Variants in ZNF350 observed in about 807,000 individuals in gnomAD.
The protein encoded by ZNF350 is zinc finger protein 350, also known as KRAB zinc finger protein ZFQR.
ZNF350 carries 5 observed loss-of-function variants against 13.1 expected under a neutral mutation model. The ratio of observed to expected loss-of-function variants is 0.38; its 90% CI spans 0.20 to 0.80. The LOEUF (loss-of-function observed/expected upper bound fraction) is 0.80. Ranked by LOEUF, ZNF350 falls within the 30% of genes least tolerant of loss-of-function variation. The pLI is 0.43. For missense variants in ZNF350, 534 were observed against 644.2 expected, an observed-to-expected ratio of 0.83 and a Z score of 1.85; for synonymous variants, 199 against 224.2, an observed-to-expected ratio of 0.89 and a Z score of 1.00.
chr19:51,972,216 C>T (rs556047570), intron 2 of ZNF350, among the ~76,000 whole-genome samples: 21 of 150,020 alleles, frequency 1.4e-4, no homozygotes, highest in African/African-American at 3.9e-4. Context: ...AATCCCAGCA[C>T]TTTGGGAGGC....
At chr19:51,971,136 G>A (rs1032899874) in intron 2 of ZNF350, among the ~76,000 whole-genome samples, 2 of 152,192 alleles carry the variant, frequency 1.3e-5, no homozygotes, top group African/African-American at 4.8e-5. Flanking sequence ...GTGGGAAATT[G>A]AGTCATTGAA....
At chr19:51,983,249 C>T (rs1003553121) in intron 1 of ZNF350, among the ~76,000 whole-genome samples, 23 of 152,274 alleles carry the variant, frequency 1.5e-4, no homozygotes, top group South Asian at 4.1e-4. Flanking sequence ...CAATGCACTG[C>T]GGAAGGCCGC....
chr19:51,977,573 C>T (rs1219724431), intron 1 of ZNF350, among the ~76,000 whole-genome samples: 2 of 152,200 alleles, frequency 1.3e-5, no homozygotes, highest in Non-Finnish European at 1.5e-5. Context: ...GCTAAATGCG[C>T]CTGGGCCACA....
At chr19:51,977,240 AGTT>A (rs2085919345) in intron 1 of ZNF350, among the ~76,000 whole-genome samples, 1 of 152,278 alleles carries the variant, frequency 6.6e-6, no homozygotes, top group South Asian at 2.1e-4. Flanking sequence ...CTAGAGTTTA[AGTT>A]GTTGAAGGAA....
At position 51,968,422 on chromosome 19, in the gene ZNF350, C is replaced by A. The variant is rs752112499; in HGVS notation, c.238+156G>T. 6.1e-6 allele frequency: 4 copies of A among 653,012 alleles called. No individual in the cohort carries two copies. In the African/African-American group the frequency reaches 7.4e-5, roughly 12 times the overall value. The allele number at this position is 653,012 out of a possible 1,614,324, so 40.5% of individuals were successfully genotyped here. A position where few individuals can be genotyped will look rare whatever the true frequency, so the allele number is the denominator to read the frequency against. ...TTTGTTTTGTTTTGTTTTTTTTTAA[C>A]TCTAAATTCCTACAAAGAAAAACTG... On this transcript the variant is annotated intron_variant, in intron 4 of 4. Transcript: ENST00000243644.
At chr19:51,971,749 CT>C (rs1455665424) in intron 2 of ZNF350, among the ~76,000 whole-genome samples, 3 of 152,008 alleles carry the variant, frequency 2.0e-5, no homozygotes, top group African/African-American at 7.3e-5. Context: ...AAGGTACCCC[CT>C]GACCCCTTCC....
intron 1 of ZNF350, among the ~76,000 whole-genome samples, chr19:51,978,741 T>C (rs976456131): frequency 1.3e-5 from 2 of 151,774 alleles, no homozygotes; most frequent in Non-Finnish European, 2.9e-5. Context: ...AAAAAGGGGG[T>C]ATAGGAGGCC....
At chr19:51,983,423 A>C (rs2086099876) in intron 1 of ZNF350, among the ~76,000 whole-genome samples, 1 of 152,226 alleles carries the variant, frequency 6.6e-6, no homozygotes, top group Non-Finnish European at 1.5e-5. Flanking sequence ...AGACCTCTTT[A>C]CAGTTAAAAT....
chr19:51,968,948 A>C (rs1213839374), intron 3 of ZNF350, 57 bp downstream of exon 3: 23 of 1,613,684 alleles, frequency 1.4e-5, no homozygotes, highest in Non-Finnish European at 1.8e-5. Context: ...TAGGCATCTG[A>C]GAAAGGAAGG....
Position 51,981,516 on chromosome 19 carries a change from A to G in ZNF350, c.-172+5254T>C, listed in dbSNP as rs1480780329. The G allele has an allele frequency of 2.6e-5, 4 of 152,182 alleles. No individual in the cohort carries two copies. The East Asian group carries it at 7.7e-4, about 29-fold the overall frequency. The allele number at this position is 152,182 out of a possible 1,614,324, so 9.4% of individuals were successfully genotyped here. On this transcript the variant is annotated intron_variant, in intron 1 of 4. Coordinates refer to ENST00000243644, the MANE Select transcript of ZNF350 (RefSeq NM_021632.4). ...CAGCATCTTGGTCAGGCTGGCCTTCAACTCCGGATCTCATCACACACCCGC... is the reference window on the plus strand; with the variant it reads ...CAGCATCTTGGTCAGGCTGGCCTTCGACTCCGGATCTCATCACACACCCGC...
intron 4 of ZNF350, among the ~76,000 whole-genome samples, chr19:51,967,560 T>C (rs1490572243): frequency 6.6e-6 from 1 of 152,068 alleles, no homozygotes; most frequent in Admixed American, 6.5e-5. Context: ...ATCACAGAGA[T>C]CACTGAAATG....
intron 1 of ZNF350, among the ~76,000 whole-genome samples, chr19:51,979,381 G>A (rs1475722033): frequency 1.3e-5 from 2 of 152,134 alleles, no homozygotes; most frequent in African/African-American, 4.8e-5. Flanking sequence ...CGATCAGGGA[G>A]AGTGGGCTCC....
rs1210827086 is a variant in ZNF350 at position 51,965,739 on chromosome 19, T to C, written c.714A>G (p.Leu238=). Residue 238 remains leucine, a synonymous_variant, in exon 5 of 5, where the codon CTA becomes CTG. Transcript: ENST00000243644. ...HTGEKPHRCS[L]CEKAFSRKFM... Reference sequence around the variant, plus strand: ...ACTTTCTGGAGAAGGCTTTCTCACATAGACTACATCTGTGGGGTTTCTCTC... The same window carrying C: ...ACTTTCTGGAGAAGGCTTTCTCACACAGACTACATCTGTGGGGTTTCTCTC... The C allele has an allele frequency of 3.5e-5, 56 of 1,613,864 alleles. No individual in the cohort carries two copies. Among genetic ancestry groups the C allele is most frequent in the Non-Finnish European group, 4.7e-5 (55 of 1,179,884 alleles).
In ZNF350 at chr19:51,974,424, C is replaced by T. The variant is rs2085829677; in HGVS notation, c.-64G>A. 6.3e-7 allele frequency: 1 copy of T among 1,586,164 alleles called. No homozygotes were observed. Among genetic ancestry groups the T allele is most frequent in the Admixed American group, 1.7e-5 (1 of 58,014 alleles). On this transcript the variant is annotated 5_prime_UTR_variant, in exon 2 of 5. Coordinates refer to ENST00000243644, the MANE Select transcript of ZNF350 (RefSeq NM_021632.4). ...GTCTGTCTTTGTATCTTCTGGCCTT[C>T]TCTTCAGAAGTCTCAGTTTTCAATC...
intron 1 of ZNF350, among the ~76,000 whole-genome samples, chr19:51,983,413 A>C (rs914392761): frequency 1.3e-5 from 2 of 152,232 alleles, no homozygotes; most frequent in African/African-American, 4.8e-5. Flanking sequence ...TGAAAGAGGA[A>C]GACCTCTTTA....
At chr19:51,984,553 T>A (rs1166001261) in intron 1 of ZNF350, among the ~76,000 whole-genome samples, 1 of 152,182 alleles carries the variant, frequency 6.6e-6, no homozygotes, top group Non-Finnish European at 1.5e-5. Flanking sequence ...GCCTCCCCCA[T>A]ATGAGAGCAC....
intron 1 of ZNF350, among the ~76,000 whole-genome samples, chr19:51,978,940 T>A (rs73067001): frequency 0.045 from 6,907 of 152,200 alleles, 208 homozygotes; most frequent in Non-Finnish European, 0.058. Flanking sequence ...TTTACTGACC[T>A]GGGGAAGAGG....
Position 51,964,742 on chromosome 19 carries a change from T to C in ZNF350, c.*112A>G. On this transcript the variant is annotated 3_prime_UTR_variant, in exon 5 of 5. Transcript: ENST00000243644. The stretch of plus-strand genomic sequence containing the variant: ...ACAGCATACATTTTAATAGGATGAG[T>C]TTATCAGGCTATCTCAGCCTTATAC... 1 of 1,271,540 alleles carries C rather than the reference T, an allele frequency of 7.9e-7. No individual in the cohort carries two copies. The highest frequency in any genetic ancestry group is 1.1e-6 in the Non-Finnish European group (1 of 926,888). 78.8% of individuals were successfully genotyped at this position (1,271,540 alleles called of 1,614,324 possible).
In ZNF350 at chr19:51,974,501, G is replaced by T. The variant is rs1599943771; in HGVS notation, c.-141C>A. 1 of 1,032,342 alleles carries T rather than the reference G, an allele frequency of 9.7e-7. No individual in the cohort carries two copies. Among genetic ancestry groups the T allele is most frequent in the East Asian group, 2.4e-5 (1 of 41,354 alleles). The allele number at this position is 1,032,342 out of a possible 1,614,324, so 63.9% of individuals were successfully genotyped here. A position where few individuals can be genotyped will look rare whatever the true frequency, so the allele number is the denominator to read the frequency against. On this transcript the variant is annotated 5_prime_UTR_variant, in exon 2 of 5. Transcript: ENST00000243644. ...CCAAATCCACTTCCTCCCTCTTCAG[G>T]TTATGTTTTTTGCTCCTGAGGAGTC...
Sources: gnomAD v4.1 joint callset for allele counts (sites outside exome capture counted in the v4.1 genomes callset) on GRCh38, gnomAD v4.1.1 for gene constraint, MANE v1.5 for transcripts, NCBI Gene and HGNC (gene_info 2026-07-23, HGNC 2026-07-21) for gene names.